CD47: variants seen among roughly 807,000 people sequenced by gnomAD.
CD47 encodes leukocyte surface antigen CD47.
In CD47, 11 loss-of-function variants were observed where a neutral mutation model predicts 44.6. That is an observed-to-expected ratio of 0.25 (90% CI 0.16 to 0.41). The LOEUF (loss-of-function observed/expected upper bound fraction) is 0.41. Among genes scored for constraint, CD47 ranks in the 10% least tolerant of loss-of-function variants. The pLI is 1.00. For missense variants in CD47, 306 were observed against 386.7 expected (o/e 0.79, Z 1.75); for synonymous variants, 140 against 136.3 (o/e 1.03, Z -0.19).
intron 1 of CD47, among the ~76,000 whole-genome samples, chr3:108,090,603 A>G (rs1242620735): frequency 1.4e-5 from 2 of 146,182 alleles, no homozygotes; most frequent in African/African-American, 5.1e-5. Flanking sequence ...GCATTTGGAG[A>G]TGGAGAACCG....
chr3:108,071,921 A>C (rs765596343), intron 2 of CD47, among the ~76,000 whole-genome samples: 1 of 152,220 alleles, frequency 6.6e-6, no homozygotes, highest in Non-Finnish European at 1.5e-5. Flanking sequence ...ATTAGGCTTC[A>C]GAAGGACTGT....
In CD47 at chr3:108,084,840, G is replaced by A. The variant is rs147150487; in HGVS notation, c.47-4496C>T. On this transcript the variant is annotated intron_variant, in intron 1 of 10. Coordinates refer to ENST00000361309, the MANE Select transcript of CD47 (RefSeq NM_001777.4). Reference sequence around the variant, plus strand: ...TTCCTAAATCCAATGTCTGTTGAATGAATGAATTAGACACTCATCCTCCCC... The same window carrying A: ...TTCCTAAATCCAATGTCTGTTGAATAAATGAATTAGACACTCATCCTCCCC... 2.2e-4 allele frequency among the ~76,000 whole-genome samples: 34 copies of A among 152,098 alleles called. 2 individuals carry two copies. The East Asian group carries it at 5.8e-3, about 26-fold the overall frequency.
At chr3:108,060,118 G>A (rs1190037429) in intron 4 of CD47, among the ~76,000 whole-genome samples, 1 of 152,068 alleles carries the variant, frequency 6.6e-6, no homozygotes, top group African/African-American at 2.4e-5. Context: ...TCCAGACTTG[G>A]TTCCCACATT....
chr3:108,066,022 T>C (rs1349098756), intron 3 of CD47, among the ~76,000 whole-genome samples: 1 of 152,110 alleles, frequency 6.6e-6, no homozygotes, highest in African/African-American at 2.4e-5. Context: ...TATGAAGAAA[T>C]TTCCTGTTCC....
chr3:108,082,121 C>G (rs2079432399), intron 1 of CD47, among the ~76,000 whole-genome samples: 1 of 151,928 alleles, frequency 6.6e-6, no homozygotes, highest in African/African-American at 2.4e-5. Context: ...AGGAAAGTAT[C>G]AGAAAATATG....
chr3:108,051,186 C>G (rs1443647821), intron 8 of CD47, among the ~76,000 whole-genome samples: 1 of 152,206 alleles, frequency 6.6e-6, no homozygotes, highest in African/African-American at 2.4e-5. Flanking sequence ...CGGCCACAGA[C>G]AGAAGACTCT....
At chr3:108,062,642 CT>C (rs774152967) in intron 3 of CD47, among the ~76,000 whole-genome samples, 250 of 138,074 alleles carry the variant, frequency 1.8e-3, no homozygotes, top group Non-Finnish European at 2.3e-3. Context: ...TTTTTCTTTT[CT>C]TTTTTTTTTT....
chr3:108,064,748 C>T (rs1003427510), intron 3 of CD47, among the ~76,000 whole-genome samples: 2 of 152,060 alleles, frequency 1.3e-5, no homozygotes, highest in Non-Finnish European at 2.9e-5. Context: ...CAGGCTGATG[C>T]GTATCAGACT....
chr3:108,061,128 T>C (rs533468525), intron 3 of CD47, among the ~76,000 whole-genome samples: 4 of 151,260 alleles, frequency 2.6e-5, no homozygotes, highest in Non-Finnish European at 5.9e-5. Context: ...GGTTGATGTA[T>C]TACTAATAAA....
intron 3 of CD47, among the ~76,000 whole-genome samples, chr3:108,066,469 G>A (rs1307863767): frequency 1.3e-5 from 2 of 152,174 alleles, no homozygotes; most frequent in African/African-American, 4.8e-5. Context: ...AAATAACTAT[G>A]TAAATAGCAG....
At chr3:108,066,076 T>C (rs549495804) in intron 3 of CD47, among the ~76,000 whole-genome samples, 1 of 152,244 alleles carries the variant, frequency 6.6e-6, no homozygotes, top group Admixed American at 6.5e-5. Flanking sequence ...TTACTTTCAT[T>C]ATTAAGCTGT....
chr3:108,079,191 A>C (rs1206122249), intron 2 of CD47, among the ~76,000 whole-genome samples: 1 of 152,020 alleles, frequency 6.6e-6, no homozygotes, highest in East Asian at 1.9e-4. Context: ...ATGACAGGTA[A>C]TTCTAAATAG....
intron 1 of CD47, among the ~76,000 whole-genome samples, chr3:108,085,889 A>C (rs1022413863): frequency 1.8e-4 from 28 of 152,176 alleles, no homozygotes; most frequent in Non-Finnish European, 3.1e-4. Flanking sequence ...TATAGACTTG[A>C]TTATGAAATC....
At chr3:108,051,840 C>T (rs1473257317) in intron 8 of CD47, 99 bp downstream of exon 8, 8 of 890,036 alleles carry the variant, frequency 9.0e-6, no homozygotes, top group South Asian at 5.2e-5. Flanking sequence ...CTTAATTTGA[C>T]GTGAGACAAA....
chr3:108,071,745 A>T (rs776867977), intron 2 of CD47, among the ~76,000 whole-genome samples: 1 of 152,248 alleles, frequency 6.6e-6, no homozygotes, highest in Non-Finnish European at 1.5e-5. Context: ...TAAAGTTCCA[A>T]GAATGTACCT....
In CD47 at chr3:108,047,215, T is replaced by C; in HGVS notation, c.*73A>G. 7.9e-7 allele frequency: 1 copy of C among 1,265,560 alleles called. No individual in the cohort carries two copies. The highest frequency in any genetic ancestry group is 1.1e-6 in the Non-Finnish European group (1 of 877,330). 78.4% of individuals were successfully genotyped at this position (1,265,560 alleles called of 1,614,324 possible). On this transcript the variant is annotated 3_prime_UTR_variant, in exon 11 of 11. Transcript: ENST00000361309. ...CCCCAACAGTGAATCATCAAGGCCA[T>C]GGTGCTTAAACACAAGTGTATTCCT...
intron 9 of CD47, among the ~76,000 whole-genome samples, chr3:108,050,204 G>A (rs2108220125): frequency 6.6e-6 from 1 of 152,234 alleles, no homozygotes; most frequent in Non-Finnish European, 1.5e-5. Context: ...TGCAACATCT[G>A]CCTTCCGGGT....
chr3:108,060,279 A>G (rs1271645483), intron 4 of CD47, among the ~76,000 whole-genome samples: 1 of 152,246 alleles, frequency 6.6e-6, no homozygotes, highest in Non-Finnish European at 1.5e-5. Context: ...GGCAAAAGAT[A>G]TGATGAAGTT....
rs2078934100 is a variant in CD47 at position 108,057,651 on chromosome 3, A to G, written c.785-82T>C. ...AACAGTAATAATCCCAAGTTTTAAG[A>G]GAGTTATTCTAACGATCAAAAAACA... On this transcript the variant is annotated intron_variant, in intron 6 of 10. Transcript: ENST00000361309. 5.4e-6 allele frequency: 4 copies of G among 745,892 alleles called. No homozygotes were observed. In the Admixed American group the frequency reaches 9.4e-5, roughly 17 times the overall value. 46.2% of individuals were successfully genotyped at this position (745,892 alleles called of 1,614,324 possible).
Sources: allele counts gnomAD v4.1 joint callset (sites outside exome capture counted in the v4.1 genomes callset), GRCh38; gene constraint gnomAD v4.1.1; transcripts MANE v1.5; gene names NCBI Gene and HGNC (gene_info 2026-07-23, HGNC 2026-07-21).